The following MAPRE1 variants were observed in gnomAD, a reference collection of about 807,000 sequenced individuals.
The protein encoded by MAPRE1 is microtubule-associated protein RP/EB family member 1.
In MAPRE1, 5 loss-of-function variants were observed where a neutral mutation model predicts 32.1. The observed-to-expected ratio is 0.16, with a 90% CI of 0.08 to 0.33. The LOEUF is 0.33. Among genes scored for constraint, MAPRE1 ranks in the 10% least tolerant of loss-of-function variants. The probability of loss-of-function intolerance (pLI) is 1.00; values close to 1 mark genes in which losing one functional copy is unlikely to be tolerated. For missense variants in MAPRE1, 209 were observed against 327.2 expected (o/e 0.64, Z 2.79); for synonymous variants, 122 against 118.9 (o/e 1.03, Z -0.17).
chr20:32,839,649 C>T, intron 4 of MAPRE1, 86 bp from the exon 5 acceptor site: 4 of 1,565,528 alleles, frequency 2.6e-6, no homozygotes, highest in Non-Finnish European at 3.5e-6. Context: ...GGCAGATGGT[C>T]ACAGCTTCTC....
intron 2 of MAPRE1, among the ~76,000 whole-genome samples, chr20:32,827,937 C>CTTT (rs112031443): frequency 7.1e-6 from 1 of 141,710 alleles, no homozygotes; most frequent in Non-Finnish European, 1.5e-5. Context: ...AGGATTTTTT[C>CTTT]TTTTTTTTTT....
intron 2 of MAPRE1, among the ~76,000 whole-genome samples, chr20:32,831,980 A>G (rs1983041740): frequency 6.6e-6 from 1 of 150,804 alleles, no homozygotes; most frequent in South Asian, 2.1e-4. Flanking sequence ...GAATGCCCTC[A>G]GTGTACTTTT....
At chr20:32,824,489 G>A (rs1320304876) in intron 1 of MAPRE1, among the ~76,000 whole-genome samples, 2 of 152,176 alleles carry the variant, frequency 1.3e-5, no homozygotes, top group African/African-American at 4.8e-5. Flanking sequence ...CTTGCAGAGG[G>A]CTGTCAGGGT....
At chr20:32,822,889 C>G (rs1169995777) in intron 1 of MAPRE1, among the ~76,000 whole-genome samples, 1 of 152,200 alleles carries the variant, frequency 6.6e-6, no homozygotes, top group Non-Finnish European at 1.5e-5. Context: ...ATGAATTGCT[C>G]TGGAAACATA....
intron 5 of MAPRE1, among the ~76,000 whole-genome samples, chr20:32,844,073 C>T (rs1282261792): frequency 2.0e-5 from 3 of 151,984 alleles, no homozygotes; most frequent in South Asian, 2.1e-4. Context: ...AGGCCGGTCT[C>T]GAACTCCTGA....
intron 4 of MAPRE1, among the ~76,000 whole-genome samples, chr20:32,838,407 C>T (rs926693360): frequency 1.3e-5 from 2 of 152,120 alleles, no homozygotes; most frequent in Non-Finnish European, 2.9e-5. Flanking sequence ...TGCGTTGTTT[C>T]CCACTTTATG....
chr20:32,846,859 G>GCATT lies in MAPRE1; in HGVS notation c.750+93_750+96dup, dbSNP rs1204975728. On this transcript the variant is annotated intron_variant, in intron 6 of 6. Transcript: ENST00000375571. ...CTGATGCTTGTTGTATTCCAGTGTT[G>GCATT]CATTCATCAAAAGACTTCATCTTTA... 2.9e-5 allele frequency: 41 copies of GCATT among 1,394,936 alleles called. No individual in the cohort carries two copies. The East Asian group carries it at 9.0e-4, about 31-fold the overall frequency. 86.4% of individuals were successfully genotyped at this position (1,394,936 alleles called of 1,614,324 possible). A position where few individuals can be genotyped will look rare whatever the true frequency, so the allele number is the denominator to read the frequency against.
intron 5 of MAPRE1, among the ~76,000 whole-genome samples, chr20:32,843,799 G>A (rs746360937): frequency 5.3e-5 from 8 of 151,532 alleles, no homozygotes; most frequent in South Asian, 2.1e-4. Flanking sequence ...TATAACTATT[G>A]CTTTACCTCA....
chr20:32,826,160 G>A, intron 2 of MAPRE1, 112 bp downstream of exon 2: 1 of 925,796 alleles, frequency 1.1e-6, no homozygotes, highest in Non-Finnish European at 1.6e-6. Flanking sequence ...GTCTTTGTTA[G>A]GGCCACCCTG....
At chr20:32,822,157 T>G (rs1482734097) in intron 1 of MAPRE1, among the ~76,000 whole-genome samples, 1 of 152,150 alleles carries the variant, frequency 6.6e-6, no homozygotes, top group Non-Finnish European at 1.5e-5. Flanking sequence ...GCCATTAATG[T>G]TTTTTGAGCT....
At position 32,826,066 on chromosome 20, in the gene MAPRE1, G is replaced by T. The variant is rs752263072; in HGVS notation, c.121+18G>T. ...GTGCTCAGGTAAGAGAAATCTGCTG[G>T]ATCATTTTTCTAGGAAAGCCTGTAG... On this transcript the variant is annotated intron_variant, in intron 2 of 6. Transcript: ENST00000375571. 8.9e-6 allele frequency: 14 copies of T among 1,571,166 alleles called. No homozygotes were observed. The African/African-American group carries it at 1.6e-4, about 18-fold the overall frequency.
intron 5 of MAPRE1, among the ~76,000 whole-genome samples, chr20:32,840,224 G>T (rs541330312): frequency 1.3e-5 from 2 of 152,180 alleles, no homozygotes; most frequent in African/African-American, 4.8e-5. Context: ...CTGAGTCCTA[G>T]ACTGGGGTCA....
intron 2 of MAPRE1, among the ~76,000 whole-genome samples, chr20:32,827,271 G>A (rs558787321): frequency 6.6e-6 from 1 of 152,166 alleles, no homozygotes; most frequent in African/African-American, 2.4e-5. Context: ...AGCCGGGGGT[G>A]GTGGCAGGCG....
intron 6 of MAPRE1, among the ~76,000 whole-genome samples, chr20:32,847,252 A>G (rs947943575): frequency 6.6e-6 from 1 of 152,196 alleles, no homozygotes; most frequent in Non-Finnish European, 1.5e-5. Flanking sequence ...TCACTCCCTC[A>G]AAGTACTCTA....
chr20:32,829,044 C>T (rs1172391066), intron 2 of MAPRE1, among the ~76,000 whole-genome samples: 10 of 152,008 alleles, frequency 6.6e-5, no homozygotes, highest in Admixed American at 2.6e-4. Context: ...CCTCAGACTC[C>T]TGAGGAGCTG....
intron 2 of MAPRE1, among the ~76,000 whole-genome samples, chr20:32,831,972 A>G (rs1376348449): frequency 6.6e-6 from 1 of 151,498 alleles, no homozygotes; most frequent in Non-Finnish European, 1.5e-5. Context: ...AAACAAAAGA[A>G]TGCCCTCAGT....
intron 5 of MAPRE1, among the ~76,000 whole-genome samples, chr20:32,842,171 C>T (rs534671143): frequency 6.6e-6 from 1 of 152,218 alleles, no homozygotes; most frequent in South Asian, 2.1e-4. Context: ...CTGCAAGCTC[C>T]GCCTCCTGGG....
In MAPRE1 at chr20:32,833,790, T is replaced by C; in HGVS notation, c.195T>C (p.Ala65=). ...SIALKKVKFQ[A]KLEHEYIQNF... ...CCTTGAAGAAAGTGAAATTCCAAGC[T>C]AAGCTAGAACACGAGTACATCCAGA... Residue 65 remains alanine (A), a synonymous_variant, in exon 3 of 7, where the codon GCT becomes GCC. Transcript: ENST00000375571. 1.2e-6 allele frequency: 2 copies of C among 1,614,164 alleles called. No homozygotes were observed. The highest frequency in any genetic ancestry group is 1.7e-6 in the Non-Finnish European group (2 of 1,180,008).
intron 1 of MAPRE1, among the ~76,000 whole-genome samples, chr20:32,825,084 G>A (rs370517252): frequency 9.3e-5 from 14 of 151,344 alleles, no homozygotes; most frequent in East Asian, 3.9e-4. Flanking sequence ...CCTGGGAGGC[G>A]GAGGTTGCAG....
Sources: gnomAD v4.1 joint callset for allele counts (sites outside exome capture counted in the v4.1 genomes callset) on GRCh38, gnomAD v4.1.1 for gene constraint, MANE v1.5 for transcripts, NCBI Gene and HGNC (gene_info 2026-07-23, HGNC 2026-07-21) for gene names.